JAK1: variants seen among roughly 807,000 people sequenced by gnomAD.
JAK1 encodes tyrosine-protein kinase JAK1.
In JAK1, 16 loss-of-function variants were observed where a neutral mutation model predicts 136.6. The ratio of observed to expected loss-of-function variants is 0.12; its 90% CI spans 0.08 to 0.18. The LOEUF (loss-of-function observed/expected upper bound fraction) is 0.18. JAK1 is among the 10% of genes least tolerant of loss of function. JAK1 has a pLI of 1.00. For synonymous variants in JAK1, 492 were observed against 519.5 expected (o/e 0.95, Z 0.72); for missense variants, 859 against 1,450.1 (o/e 0.59, Z 6.62).
intron 2 of JAK1, chr1:64,985,138 T>C: frequency 8.3e-7 from 1 of 1,198,882 alleles, no homozygotes; most frequent in Non-Finnish European, 1.2e-6. Context: ...AGGGAAACTA[T>C]AGTGAAGATA....
At position 64,877,410 on chromosome 1, in the gene JAK1, T is replaced by G. The variant is rs558155840; in HGVS notation, c.329+1615A>C. On this transcript the variant is annotated intron_variant, in intron 4 of 24. Transcript: ENST00000342505. The stretch of plus-strand genomic sequence containing the variant: ...CACCATGTCAGGTACAGAGTCAAGG[T>G]GCTAAAAGTGAAGCAACCCTGCACT... 4.4e-4 allele frequency among the ~76,000 whole-genome samples: 67 copies of G among 152,092 alleles called. No homozygotes were observed. In the South Asian group the frequency reaches 0.013, roughly 30 times the overall value.
chr1:64,843,353 T>C (rs959700876), intron 17 of JAK1, among the ~76,000 whole-genome samples: 4 of 152,194 alleles, frequency 2.6e-5, no homozygotes, highest in Non-Finnish European at 4.4e-5. Flanking sequence ...TGGTCTTTCA[T>C]TGTGATTTTT....
Position 64,984,886 on chromosome 1 carries a change from C to G in JAK1, c.-78+59594G>C. The G allele has an allele frequency of 8.4e-7, 1 of 1,192,796 alleles. No homozygotes were observed. Among genetic ancestry groups the G allele is most frequent in the Non-Finnish European group, 1.3e-6 (1 of 799,438 alleles). The allele number at this position is 1,192,796 out of a possible 1,614,324, so 73.9% of individuals were successfully genotyped here. On this transcript the variant is annotated intron_variant, in intron 2 of 25. Coordinates refer to the JAK1 transcript ENST00000671954. This position sits in a 1 kb window ranked among gnomAD's most constrained non-coding sequence, Gnocchi z 4.1. ...GAGGTCCAGGTGGAGCAGCCGGCCA[C>G]TGCCATCACAGCTGGGCCAGGGCCC...
intron 2 of JAK1, among the ~76,000 whole-genome samples, chr1:65,006,254 C>A (rs546772205): frequency 3.3e-5 from 5 of 152,328 alleles, no homozygotes; most frequent in African/African-American, 1.2e-4. Flanking sequence ...CCCATCCACA[C>A]AGACTGAAAT....
chr1:64,961,793 G>A (rs4915675), intron 1 of JAK1, among the ~76,000 whole-genome samples: 88,489 of 152,044 alleles, frequency 0.58, 29,093 homozygotes, highest in Middle Eastern at 0.82. Flanking sequence ...GCTCCACGCA[G>A]GAATTAGCTC....
chr1:64,956,181 T>C (rs2100603648), intron 1 of JAK1, among the ~76,000 whole-genome samples: 1 of 152,326 alleles, frequency 6.6e-6, no homozygotes, highest in East Asian at 1.9e-4. Flanking sequence ...GTTTACTGTC[T>C]TTCCCCTCAC....
intron 12 of JAK1, among the ~76,000 whole-genome samples, chr1:64,849,891 G>A (rs959560779): frequency 6.6e-6 from 1 of 152,200 alleles, no homozygotes; most frequent in African/African-American, 2.4e-5. Context: ...TGGGCCTTTG[G>A]TGAAGAAATG....
intron 2 of JAK1, among the ~76,000 whole-genome samples, chr1:64,981,066 C>T: frequency 6.6e-6 from 1 of 152,104 alleles, no homozygotes; most frequent in Non-Finnish European, 1.5e-5. Context: ...AGCCTAGATG[C>T]TTCTATTTTC....
chr1:64,875,886 T>C (rs1037300050), intron 4 of JAK1: 1 of 152,102 alleles, frequency 6.6e-6, no homozygotes, highest in Non-Finnish European at 1.5e-5. Context: ...ACAGAACACG[T>C]GCCCAGGAGA....
chr1:65,048,840 C>A (rs916235100), intron 1 of JAK1, among the ~76,000 whole-genome samples: 3 of 152,132 alleles, frequency 2.0e-5, no homozygotes, highest in Non-Finnish European at 4.4e-5. Flanking sequence ...TTCTGTTGAA[C>A]TTTTTCTCAT....
At chr1:64,860,861 T>TGTGTGTGTGTGTGTGTGTG (rs58016723) in intron 8 of JAK1, among the ~76,000 whole-genome samples, 1 of 132,244 alleles carries the variant, frequency 7.6e-6, no homozygotes, top group African/African-American at 3.0e-5. Flanking sequence ...TGTGTGTGTG[T>TGTGTGTGTGTGTGTGTGTG]TGGGGGTGAC....
chr1:65,055,591 G>GA (rs1202556309), intron 1 of JAK1, among the ~76,000 whole-genome samples: 2 of 152,146 alleles, frequency 1.3e-5, no homozygotes, highest in African/African-American at 4.8e-5. Flanking sequence ...CACCTAAACT[G>GA]AAAAATGTAA....
intron 1 of JAK1, among the ~76,000 whole-genome samples, chr1:64,924,433 T>G (rs6700798): frequency 2.6e-5 from 4 of 152,166 alleles, no homozygotes; most frequent in Admixed American, 2.6e-4. Context: ...GTGCACATTA[T>G]AGGATTCCTA....
chr1:64,920,240 TAATTTA>T (rs958814767), intron 1 of JAK1, among the ~76,000 whole-genome samples: 14 of 152,198 alleles, frequency 9.2e-5, no homozygotes, highest in Non-Finnish European at 2.9e-5. Flanking sequence ...AAATGAACTG[TAATTTA>T]AATGGAATAA....
At chr1:64,972,922 C>T (rs1646464139) in intron 2 of JAK1, 1 of 152,344 alleles carries the variant, frequency 6.6e-6, no homozygotes, top group East Asian at 1.9e-4. Context: ...AGTTCAAGAC[C>T]AGCCTGGGCA....
chr1:65,064,501 AGG>A, intron 1 of JAK1, among the ~76,000 whole-genome samples: 1 of 152,346 alleles, frequency 6.6e-6, no homozygotes, highest in East Asian at 1.9e-4. Flanking sequence ...ATCGTTTATT[AGG>A]TAGCCCTTCC....
At chr1:64,939,494 C>G (rs1031602534) in intron 1 of JAK1, among the ~76,000 whole-genome samples, 9 of 152,200 alleles carry the variant, frequency 5.9e-5, no homozygotes, top group Admixed American at 5.9e-4. Flanking sequence ...AATGCATGAA[C>G]TCTGAAGTCA....
intron 1 of JAK1, among the ~76,000 whole-genome samples, chr1:64,931,086 G>A (rs561689990): frequency 2.6e-5 from 4 of 152,002 alleles, no homozygotes; most frequent in Admixed American, 1.3e-4. Context: ...ACCATGGCAC[G>A]TGTATACCTA....
chr1:64,985,068 G>T, intron 2 of JAK1: 3 of 896,444 alleles, frequency 3.3e-6, no homozygotes, highest in Non-Finnish European at 5.7e-6. Flanking sequence ...GGAACAAAAA[G>T]CCATCCCTCC....
Sources: gnomAD v4.1 joint callset for allele counts (sites outside exome capture counted in the v4.1 genomes callset) on GRCh38, gnomAD v4.1.1 for gene constraint, Gnocchi (gnomAD v3.1) non-coding constraint, MANE v1.5 for transcripts, NCBI Gene and HGNC (gene_info 2026-07-23, HGNC 2026-07-21) for gene names.